The following CUL3 variants were observed in gnomAD, a reference collection of about 807,000 sequenced individuals.
CUL3 encodes cullin 3.
CUL3 carries 19 observed loss-of-function variants against 89.1 expected under a neutral mutation model. The observed-to-expected ratio is 0.21, with a 90% CI of 0.15 to 0.31. CUL3 has a LOEUF of 0.31. Ranked by LOEUF, CUL3 falls within the 10% of genes least tolerant of loss-of-function variation. The pLI is 1.00. For synonymous variants in CUL3, 351 were observed against 308.4 expected, an observed-to-expected ratio of 1.14 and a Z score of -1.45; for missense variants, 469 against 942.3, an observed-to-expected ratio of 0.50 and a Z score of 6.58.
chr2:224,513,700 T>A, intron 4 of CUL3, 62 bp from the exon 5 acceptor site: 1 of 1,182,744 alleles, frequency 8.5e-7, no homozygotes, highest in Non-Finnish European at 1.2e-6. Flanking sequence ...ACATAAAAAT[T>A]ACAAAAAGGA....
chr2:224,494,028 A>G (rs1021736228), intron 13 of CUL3, among the ~76,000 whole-genome samples: 7 of 152,204 alleles, frequency 4.6e-5, no homozygotes, highest in African/African-American at 1.7e-4. Flanking sequence ...TCCATAAGAA[A>G]AACTTCTCAA....
intron 1 of CUL3, among the ~76,000 whole-genome samples, chr2:224,582,189 G>A (rs1200794571): frequency 6.6e-6 from 1 of 151,888 alleles, no homozygotes; most frequent in African/African-American, 2.4e-5. Context: ...TGGTCTCAAA[G>A]CTCCTGACCT....
chr2:224,522,573 TA>T (rs1693306153), intron 3 of CUL3, among the ~76,000 whole-genome samples: 1 of 152,132 alleles, frequency 6.6e-6, no homozygotes, highest in Non-Finnish European at 1.5e-5. Context: ...AAAATTTTCT[TA>T]AAATCTTTCT....
At chr2:224,479,645 G>A (rs1691455631) in intron 14 of CUL3, 1 of 152,034 alleles carries the variant, frequency 6.6e-6, no homozygotes, top group South Asian at 2.1e-4. Context: ...AGTTTTTTAG[G>A]GGGAAACTAC....
chr2:224,553,437 T>C (rs1214707615), intron 2 of CUL3, among the ~76,000 whole-genome samples: 1 of 152,234 alleles, frequency 6.6e-6, no homozygotes, highest in Non-Finnish European at 1.5e-5. Context: ...TTTAAGAATT[T>C]AGCATATACT....
intron 6 of CUL3, 81 bp from the exon 7 acceptor site, chr2:224,507,084 G>A: frequency 7.6e-7 from 1 of 1,312,628 alleles, no homozygotes; most frequent in Non-Finnish European, 1.0e-6. Flanking sequence ...ATAATACTGA[G>A]AGAAGCTTAT....
At chr2:224,483,607 A>C (rs1408204409) in intron 13 of CUL3, among the ~76,000 whole-genome samples, 5 of 152,232 alleles carry the variant, frequency 3.3e-5, no homozygotes, top group African/African-American at 9.6e-5. Context: ...CATGAATACA[A>C]GTATATGCAT....
At chr2:224,515,025 T>C (rs946415340) in intron 3 of CUL3, among the ~76,000 whole-genome samples, 1 of 152,040 alleles carries the variant, frequency 6.6e-6, no homozygotes, top group Non-Finnish European at 1.5e-5. Context: ...GTAAGCATCA[T>C]AGCCAGGAAG....
chr2:224,509,054 CTG>C (rs1692714606), intron 6 of CUL3, among the ~76,000 whole-genome samples: 1 of 151,826 alleles, frequency 6.6e-6, no homozygotes, highest in Non-Finnish European at 1.5e-5. Context: ...AGTGAGAAAA[CTG>C]TTTTTCATTT....
chr2:224,548,229 CG>C (rs1694377608), intron 2 of CUL3, among the ~76,000 whole-genome samples: 1 of 152,138 alleles, frequency 6.6e-6, no homozygotes, highest in South Asian at 2.1e-4. Flanking sequence ...AAGTCTAAAA[CG>C]TAACTTCCAC....
At chr2:224,537,433 T>G (rs899129045) in intron 2 of CUL3, among the ~76,000 whole-genome samples, 7 of 152,196 alleles carry the variant, frequency 4.6e-5, no homozygotes, top group Admixed American at 6.5e-5. Flanking sequence ...CTCCATGACT[T>G]CAAGTTACAT....
At chr2:224,560,585 T>A in intron 1 of CUL3, 1 of 153,066 alleles carries the variant, frequency 6.5e-6, no homozygotes. Context: ...ACCCCACTAC[T>A]ACTCCAACAG....
At chr2:224,478,564 A>G (rs1259536255) in intron 14 of CUL3, 2 of 407,620 alleles carry the variant, frequency 4.9e-6, no homozygotes, top group Non-Finnish European at 8.7e-6. Flanking sequence ...TGAGATAATA[A>G]AGTTGATTTT....
intron 3 of CUL3, 146 bp downstream of exon 3, chr2:224,535,382 C>G (rs943395948): frequency 5.5e-5 from 27 of 495,384 alleles, no homozygotes; most frequent in Non-Finnish European, 9.0e-5. Context: ...GCTGGCCAGG[C>G]TGGTCTCAAT....
At chr2:224,525,937 C>G (rs1441685370) in intron 3 of CUL3, among the ~76,000 whole-genome samples, 1 of 152,196 alleles carries the variant, frequency 6.6e-6, no homozygotes, top group East Asian at 1.9e-4. Flanking sequence ...CTTACAGATT[C>G]CATAGATAGG....
intron 2 of CUL3, among the ~76,000 whole-genome samples, chr2:224,539,103 T>C (rs1048080628): frequency 1.3e-5 from 2 of 152,116 alleles, no homozygotes; most frequent in African/African-American, 4.8e-5. Flanking sequence ...TTATCCAAAA[T>C]ATATAAAGAA....
chr2:224,500,564 G>C, intron 10 of CUL3, 77 bp from the exon 11 acceptor site: 2 of 1,390,170 alleles, frequency 1.4e-6, no homozygotes, highest in Non-Finnish European at 2.0e-6. Flanking sequence ...CATTGTGTTA[G>C]ATTTACCAAA....
At chr2:224,544,877 A>G (rs950035728) in intron 2 of CUL3, among the ~76,000 whole-genome samples, 2 of 152,010 alleles carry the variant, frequency 1.3e-5, no homozygotes, top group African/African-American at 4.8e-5. Flanking sequence ...AAAAGGTTAA[A>G]AAGAAACACT....
intron 1 of CUL3, chr2:224,562,800 A>G (rs1248367005): frequency 6.5e-6 from 1 of 154,828 alleles, no homozygotes; most frequent in Non-Finnish European, 1.4e-5. Context: ...GTAAAGTAAC[A>G]TCACAGTCAC....
Sources: allele counts gnomAD v4.1 joint callset (sites outside exome capture counted in the v4.1 genomes callset), GRCh38; gene constraint gnomAD v4.1.1; transcripts MANE v1.5; gene names NCBI Gene and HGNC (gene_info 2026-07-23, HGNC 2026-07-21).